ARHGAP26: variants seen among roughly 807,000 people sequenced by gnomAD.
ARHGAP26 encodes the protein rho GTPase-activating protein 26.
ARHGAP26 carries 38 observed loss-of-function variants against 104.8 expected under a neutral mutation model. The observed-to-expected ratio is 0.36, with a 90% CI of 0.28 to 0.48. ARHGAP26 has a LOEUF of 0.48. Ranked by LOEUF, ARHGAP26 falls within the 20% of genes least tolerant of loss-of-function variation. The probability of loss-of-function intolerance (pLI) is 0.99; values close to 1 mark genes in which losing one functional copy is unlikely to be tolerated. For missense variants in ARHGAP26, 704 were observed against 947.9 expected (o/e 0.74, Z 3.38); for synonymous variants, 341 against 340.0 (o/e 1.00, Z -0.03).
chr5:142,840,733 C>T (rs1314692913), intron 1 of ARHGAP26, among the ~76,000 whole-genome samples: 1 of 152,082 alleles, frequency 6.6e-6, no homozygotes, highest in Non-Finnish European at 1.5e-5. Context: ...GTGTGTACTC[C>T]ACCCAGAAGC....
intron 12 of ARHGAP26, among the ~76,000 whole-genome samples, chr5:143,030,270 A>G (rs1781664353): frequency 6.6e-6 from 1 of 152,176 alleles, no homozygotes; most frequent in Non-Finnish European, 1.5e-5. Context: ...CTTGACCCTC[A>G]GGCCTCAGGC....
At chr5:143,196,229 G>C (rs1162843351) in intron 20 of ARHGAP26, among the ~76,000 whole-genome samples, 1 of 151,566 alleles carries the variant, frequency 6.6e-6, no homozygotes, top group African/African-American at 2.4e-5. Context: ...CACATCTCTT[G>C]CTTTCTCCTC....
rs918307570 is a variant in ARHGAP26, at chr5:142,771,360, C to T, written c.154+445C>T. On this transcript the variant is annotated intron_variant, in intron 1 of 22. Coordinates refer to ENST00000645722, the MANE Select transcript of ARHGAP26 (RefSeq NM_001135608.3). ...GCGTGCCCTGCCGAGGGGGCGCTGC[C>T]TCCCCTTGGGAAAAGGTGGGTTGTG... 1.8e-5 allele frequency: 22 copies of T among 1,232,082 alleles called. No homozygotes were observed. In the Middle Eastern group the frequency reaches 1.6e-3, roughly 87 times the overall value. 76.3% of individuals were successfully genotyped at this position (1,232,082 alleles called of 1,614,324 possible). A position where few individuals can be genotyped will look rare whatever the true frequency, so the allele number is the denominator to read the frequency against.
At position 142,770,734 on chromosome 5, in the gene ARHGAP26, CG is replaced by C; in HGVS notation, c.-27del. ...GGCGGCCCGGGCCCCGGCGGAGGCG[CG>C]CCCCCCGGCTGGGCGCCGCGCGCAC... On this transcript the variant is annotated 5_prime_UTR_variant, in exon 1 of 23. Transcript: ENST00000645722. 1 of 1,249,830 alleles carries C rather than the reference CG, an allele frequency of 8.0e-7. No individual in the cohort carries two copies. The allele number at this position is 1,249,830 out of a possible 1,614,324, so 77.4% of individuals were successfully genotyped here. A position where few individuals can be genotyped will look rare whatever the true frequency, so the allele number is the denominator to read the frequency against.
At chr5:143,174,369 T>C (rs188445239) in intron 20 of ARHGAP26, among the ~76,000 whole-genome samples, 4 of 152,242 alleles carry the variant, frequency 2.6e-5, no homozygotes, top group African/African-American at 9.6e-5. Flanking sequence ...GAATAACTGG[T>C]GGTCATTTGT....
chr5:143,056,182 C>A, intron 16 of ARHGAP26, 96 bp downstream of exon 16: 1 of 1,028,900 alleles, frequency 9.7e-7, no homozygotes, highest in African/African-American at 1.6e-5. Context: ...CCTAACCCTT[C>A]GTATTCTGCA....
intron 1 of ARHGAP26, among the ~76,000 whole-genome samples, chr5:142,806,660 A>T (rs1017717500): frequency 6.6e-6 from 1 of 152,158 alleles, no homozygotes; most frequent in African/African-American, 2.4e-5. Flanking sequence ...TGATGCCTGG[A>T]CGACATCACA....
chr5:142,982,910 A>G (rs1774154943), intron 11 of ARHGAP26, among the ~76,000 whole-genome samples: 1 of 152,106 alleles, frequency 6.6e-6, no homozygotes, highest in African/African-American at 2.4e-5. Context: ...TGTTGTCCTG[A>G]TGTGACCAGG....
chr5:142,780,036 T>C (rs1038029391), intron 1 of ARHGAP26, among the ~76,000 whole-genome samples: 1 of 152,244 alleles, frequency 6.6e-6, no homozygotes. Flanking sequence ...CACTTCTTCC[T>C]CTGGAGGCAT....
intron 12 of ARHGAP26, among the ~76,000 whole-genome samples, chr5:143,023,979 A>G (rs1298727044): frequency 2.0e-5 from 3 of 152,074 alleles, no homozygotes. Context: ...AGGTGGTATA[A>G]TTCTAGCTCT....
intron 1 of ARHGAP26, among the ~76,000 whole-genome samples, chr5:142,823,589 C>T (rs563461471): frequency 6.6e-6 from 1 of 152,234 alleles, no homozygotes; most frequent in African/African-American, 2.4e-5. Context: ...TCTCAAAGCA[C>T]TGATCATAAG....
At chr5:143,002,137 G>A (rs1041789128) in intron 11 of ARHGAP26, among the ~76,000 whole-genome samples, 52 of 152,102 alleles carry the variant, frequency 3.4e-4, no homozygotes, top group African/African-American at 1.2e-3. Flanking sequence ...GCCACTGCCC[G>A]GAACCTCCTG....
intron 20 of ARHGAP26, among the ~76,000 whole-genome samples, chr5:143,194,729 T>C (rs1806513718): frequency 6.6e-6 from 1 of 152,242 alleles, no homozygotes; most frequent in South Asian, 2.1e-4. Flanking sequence ...ATGGTGAAAC[T>C]CTTTTTCTCC....
At chr5:143,182,425 G>A (rs1489325953) in intron 20 of ARHGAP26, among the ~76,000 whole-genome samples, 2 of 152,182 alleles carry the variant, frequency 1.3e-5, no homozygotes, top group Non-Finnish European at 2.9e-5. Context: ...ATGACACTAA[G>A]CTCCATGAGA....
At chr5:142,928,386 C>T (rs1037935417) in intron 10 of ARHGAP26, among the ~76,000 whole-genome samples, 18 of 152,070 alleles carry the variant, frequency 1.2e-4, no homozygotes, top group African/African-American at 3.6e-4. Flanking sequence ...CCTAGAGTAG[C>T]GTTGTAAGCC....
At chr5:142,919,426 A>G in intron 10 of ARHGAP26, 1 of 398,584 alleles carries the variant, frequency 2.5e-6, no homozygotes, top group Non-Finnish European at 4.4e-6. Flanking sequence ...GTGAAGCAAT[A>G]AATTTCTGTT....
At chr5:142,918,426 T>C (rs712164) in intron 10 of ARHGAP26, among the ~76,000 whole-genome samples, 74,827 of 152,220 alleles carry the variant, frequency 0.49, 21,429 homozygotes, top group East Asian at 0.91. Flanking sequence ...GGATTACAGG[T>C]GTGAGCCACC....
At chr5:143,214,696 C>T (rs1810052461) in intron 22 of ARHGAP26, among the ~76,000 whole-genome samples, 1 of 152,156 alleles carries the variant, frequency 6.6e-6, no homozygotes. Flanking sequence ...GTGTGCCCAG[C>T]CCCTGCATTC....
chr5:142,950,882 C>A (rs1768226425), intron 11 of ARHGAP26, among the ~76,000 whole-genome samples: 1 of 152,166 alleles, frequency 6.6e-6, no homozygotes, highest in Non-Finnish European at 1.5e-5. Context: ...CCAAGTTACT[C>A]CTGTGGTGTG....
Sources: gnomAD v4.1 joint callset for allele counts (sites outside exome capture counted in the v4.1 genomes callset) on GRCh38, gnomAD v4.1.1 for gene constraint, MANE v1.5 for transcripts, NCBI Gene and HGNC (gene_info 2026-07-23, HGNC 2026-07-21) for gene names.